The following HPSE2 variants were observed in gnomAD, a reference collection of about 807,000 sequenced individuals.
The protein encoded by HPSE2 is inactive heparanase-2.
HPSE2 carries 38 observed loss-of-function variants against 60.5 expected under a neutral mutation model. That is an observed-to-expected ratio of 0.63 (90% CI 0.48 to 0.82). The LOEUF is 0.82. HPSE2 is among the 40% of genes least tolerant of loss of function. The pLI, the probability that HPSE2 is intolerant of heterozygous loss-of-function variation, is 0.00. For synonymous variants in HPSE2, 295 were observed against 293.2 expected, an observed-to-expected ratio of 1.01 and a Z score of -0.06; for missense variants, 713 against 740.4, an observed-to-expected ratio of 0.96 and a Z score of 0.43.
At chr10:99,309,226 G>A in the HPSE2 span, among the ~76,000 whole-genome samples, 1 of 152,124 alleles carries the variant, frequency 6.6e-6, no homozygotes, top group South Asian at 2.1e-4. Context: ...TTTTTGGGGG[G>A]CAGGTGATGA....
intron 4 of HPSE2, among the ~76,000 whole-genome samples, chr10:98,734,904 CACACACAA>C (rs1170588488): frequency 2.0e-4 from 30 of 151,292 alleles, no homozygotes; most frequent in African/African-American, 6.1e-4. Flanking sequence ...CACACACACA[CACACACAA>C]ACACACACAA....
chr10:98,992,323 G>A (rs566524258), intron 3 of HPSE2, among the ~76,000 whole-genome samples: 1 of 152,008 alleles, frequency 6.6e-6, no homozygotes, highest in East Asian at 1.9e-4. Context: ...ACTGATTTGG[G>A]TTTTTAATAG....
At chr10:99,016,653 T>C (rs530897583) in intron 3 of HPSE2, among the ~76,000 whole-genome samples, 3 of 152,370 alleles carry the variant, frequency 2.0e-5, no homozygotes, top group African/African-American at 7.2e-5. Flanking sequence ...TGATTCTTCC[T>C]ATCCATGAGC....
chr10:98,471,751 C>T (rs1474123428), intron 11 of HPSE2, among the ~76,000 whole-genome samples: 6 of 152,156 alleles, frequency 3.9e-5, no homozygotes, highest in Non-Finnish European at 1.5e-5. Context: ...GGAAACAAAT[C>T]AGATGAAGCA....
At chr10:98,728,281 G>A (rs1949140086) in intron 4 of HPSE2, among the ~76,000 whole-genome samples, 1 of 152,106 alleles carries the variant, frequency 6.6e-6, no homozygotes, top group African/African-American at 2.4e-5. Flanking sequence ...ATAGCACAAA[G>A]GACTGGGGAA....
chr10:98,894,731 C>T (rs912733426), intron 3 of HPSE2, among the ~76,000 whole-genome samples: 1 of 151,608 alleles, frequency 6.6e-6, no homozygotes, highest in African/African-American at 2.4e-5. Flanking sequence ...AAAGATATAA[C>T]TAAGAATTTT....
intron 4 of HPSE2, among the ~76,000 whole-genome samples, chr10:98,738,619 C>A (rs533782416): frequency 2.0e-5 from 3 of 152,114 alleles, no homozygotes; most frequent in Admixed American, 6.6e-5. Flanking sequence ...AGAACTTAAA[C>A]AAATTTACAA....
At chr10:98,706,775 T>G (rs1193179737) in intron 5 of HPSE2, among the ~76,000 whole-genome samples, 1 of 152,134 alleles carries the variant, frequency 6.6e-6, no homozygotes, top group East Asian at 1.9e-4. Flanking sequence ...AGTAAGGGAA[T>G]GGCAGGAGGT....
At chr10:98,573,868 T>C (rs1253697126) in intron 9 of HPSE2, among the ~76,000 whole-genome samples, 2 of 152,134 alleles carry the variant, frequency 1.3e-5, no homozygotes, top group African/African-American at 4.8e-5. Flanking sequence ...CTGTATTTCT[T>C]TTTCTTATAC....
At chr10:98,638,440 GTCA>G in intron 7 of HPSE2, among the ~76,000 whole-genome samples, 1 of 152,240 alleles carries the variant, frequency 6.6e-6, no homozygotes, top group East Asian at 1.9e-4. Context: ...GCGAGACTCT[GTCA>G]CAAAAAATTA....
At chr10:98,988,839 A>G (rs1379284693) in intron 3 of HPSE2, among the ~76,000 whole-genome samples, 11 of 133,630 alleles carry the variant, frequency 8.2e-5, no homozygotes, top group African/African-American at 1.9e-4. Flanking sequence ...GGCAAAGGAC[A>G]TGAACAGACA....
intron 7 of HPSE2, among the ~76,000 whole-genome samples, chr10:98,628,715 G>C (rs1946282035): frequency 6.6e-6 from 1 of 151,994 alleles, no homozygotes; most frequent in Non-Finnish European, 1.5e-5. Context: ...TGAATCCTTG[G>C]GCCTGCTAGA....
intron 6 of HPSE2, among the ~76,000 whole-genome samples, chr10:98,652,306 A>T (rs190584118): frequency 6.6e-6 from 1 of 152,174 alleles, no homozygotes; most frequent in African/African-American, 2.4e-5. Flanking sequence ...AACATAGTGC[A>T]TTGGGGATCT....
chr10:99,259,303 C>A, the HPSE2 span, among the ~76,000 whole-genome samples: 8 of 71,414 alleles, frequency 1.1e-4, no homozygotes, highest in African/African-American at 4.5e-4. Context: ...CAAAACCCCC[C>A]CCACCAAAAA....
Position 98,749,930 on chromosome 10 carries a change from C to CTATATATATA in HPSE2, c.611-5884_611-5875dup, listed in dbSNP as rs771032742. 7.8e-3 allele frequency among the ~76,000 whole-genome samples: 757 copies of CTATATATATA among 96,976 alleles called. 9 individuals are homozygous for CTATATATATA. Among genetic ancestry groups the CTATATATATA allele is most frequent in the South Asian group, 0.034 (84 of 2,474 alleles). 63.6% of individuals were successfully genotyped at this position (96,976 alleles called of 152,430 possible). A position where few individuals can be genotyped will look rare whatever the true frequency, so the allele number is the denominator to read the frequency against. On this transcript the variant is annotated intron_variant, in intron 3 of 11. Transcript: ENST00000370552. ...ATATTTTATATATATATATTAAACA[C>CTATATATATA]TATATATATATATATATACACACAC...
chr10:98,492,928 A>G (rs1941707021), intron 9 of HPSE2, among the ~76,000 whole-genome samples: 1 of 152,186 alleles, frequency 6.6e-6, no homozygotes, highest in Non-Finnish European at 1.5e-5. Context: ...CCATCTCTAT[A>G]ACTTGTCATC....
At chr10:98,531,335 C>T (rs1228374872) in intron 9 of HPSE2, among the ~76,000 whole-genome samples, 4 of 152,178 alleles carry the variant, frequency 2.6e-5, no homozygotes, top group Non-Finnish European at 4.4e-5. Context: ...AACGGCTAAG[C>T]TCTCCCCTTA....
chr10:98,619,721 C>T (rs923684675), intron 8 of HPSE2, among the ~76,000 whole-genome samples: 8 of 152,246 alleles, frequency 5.3e-5, no homozygotes, highest in Non-Finnish European at 1.2e-4. Flanking sequence ...AGGCTCTCCT[C>T]TGTCATCACC....
At chr10:99,230,082 T>A (rs1242880173) in intron 2 of HPSE2, among the ~76,000 whole-genome samples, 1 of 152,220 alleles carries the variant, frequency 6.6e-6, no homozygotes, top group East Asian at 1.9e-4. Flanking sequence ...CTGATATAGT[T>A]CAGAGCATCT....
Sources: gnomAD v4.1 joint callset for allele counts (sites outside exome capture counted in the v4.1 genomes callset) on GRCh38, gnomAD v4.1.1 for gene constraint, MANE v1.5 for transcripts, NCBI Gene and HGNC (gene_info 2026-07-23, HGNC 2026-07-21) for gene names.